TOX3: variants seen among roughly 807,000 people sequenced by gnomAD.
The protein encoded by TOX3 is CAG trinucleotide repeat-containing gene F9 protein.
TOX3 carries 22 observed loss-of-function variants against 64.3 expected under a neutral mutation model. The ratio of observed to expected loss-of-function variants is 0.34; its 90% CI spans 0.24 to 0.49. The LOEUF is 0.49. TOX3 is among the 20% of genes least tolerant of loss of function. The pLI, the probability that TOX3 is intolerant of heterozygous loss-of-function variation, is 0.99. For synonymous variants in TOX3, 291 were observed against 273.6 expected, an observed-to-expected ratio of 1.06 and a Z score of -0.63; for missense variants, 661 against 714.4, an observed-to-expected ratio of 0.93 and a Z score of 0.85.
intron 1 of TOX3, among the ~76,000 whole-genome samples, chr16:52,529,385 C>T (rs937518349): frequency 6.6e-6 from 1 of 151,810 alleles, no homozygotes; most frequent in African/African-American, 2.4e-5. Flanking sequence ...GGAAATTTCC[C>T]TTTTAGAACG....
intron 1 of TOX3, among the ~76,000 whole-genome samples, chr16:52,541,433 C>T (rs2151491241): frequency 6.6e-6 from 1 of 152,162 alleles, no homozygotes; most frequent in East Asian, 1.9e-4. Flanking sequence ...GTGAAACAGG[C>T]CGTGATGAAC....
intron 3 of TOX3, among the ~76,000 whole-genome samples, chr16:52,457,592 A>G (rs1960557788): frequency 6.6e-6 from 1 of 152,218 alleles, no homozygotes; most frequent in Non-Finnish European, 1.5e-5. Context: ...ATTACTTTGT[A>G]TTCATAAATA....
chr16:52,517,558 A>G (rs2151476560), intron 1 of TOX3, among the ~76,000 whole-genome samples: 1 of 152,286 alleles, frequency 6.6e-6, no homozygotes. Context: ...ATAATTAAAT[A>G]ATTTATGAAG....
intron 1 of TOX3, among the ~76,000 whole-genome samples, chr16:52,504,682 T>A (rs1203335258): frequency 6.6e-6 from 1 of 151,904 alleles, no homozygotes; most frequent in African/African-American, 2.4e-5. Context: ...TAGGGGCTTA[T>A]GGGATGGACA....
chr16:52,523,746 A>G (rs1962664239), intron 1 of TOX3, among the ~76,000 whole-genome samples: 1 of 152,034 alleles, frequency 6.6e-6, no homozygotes, highest in African/African-American at 2.4e-5. Flanking sequence ...TTTTCAGTTC[A>G]TGAAATTTTC....
chr16:52,448,178 A>C (rs1960220987), intron 4 of TOX3, among the ~76,000 whole-genome samples: 1 of 152,228 alleles, frequency 6.6e-6, no homozygotes, highest in Non-Finnish European at 1.5e-5. Flanking sequence ...TGAGACAGAA[A>C]GCTGGAGAAA....
chr16:52,528,547 A>G (rs1049967580), intron 1 of TOX3, among the ~76,000 whole-genome samples: 10 of 152,016 alleles, frequency 6.6e-5, no homozygotes, highest in Non-Finnish European at 7.4e-5. Context: ...AACCGGGCAG[A>G]CTGCCTGGTT....
chr16:52,474,142 A>T (rs190252447), intron 1 of TOX3, among the ~76,000 whole-genome samples: 1 of 152,196 alleles, frequency 6.6e-6, no homozygotes, highest in Admixed American at 6.5e-5. Context: ...TTGATGGGGA[A>T]ATGACTCACT....
chr16:52,500,385 G>A (rs1961970141), intron 1 of TOX3, among the ~76,000 whole-genome samples: 1 of 152,132 alleles, frequency 6.6e-6, no homozygotes, highest in Admixed American at 6.5e-5. Context: ...GTTAATTGAG[G>A]ACTATGGGTA....
chr16:52,539,398 A>G (rs889560879), intron 1 of TOX3, among the ~76,000 whole-genome samples: 2 of 152,192 alleles, frequency 1.3e-5, no homozygotes, highest in African/African-American at 4.8e-5. Context: ...CTATTAAGAG[A>G]GAAAGGATGT....
intron 1 of TOX3, among the ~76,000 whole-genome samples, chr16:52,488,987 T>C (rs1253830288): frequency 2.0e-5 from 3 of 152,178 alleles, no homozygotes; most frequent in Non-Finnish European, 4.4e-5. Context: ...TGTCAACTAA[T>C]GGACTTTGTC....
chr16:52,538,216 G>A (rs982562498), intron 1 of TOX3, among the ~76,000 whole-genome samples: 2 of 152,170 alleles, frequency 1.3e-5, no homozygotes, highest in African/African-American at 4.8e-5. Flanking sequence ...TTTATTAACT[G>A]TTTGATATTT....
intron 1 of TOX3, among the ~76,000 whole-genome samples, chr16:52,479,776 T>C (rs1961316429): frequency 6.6e-6 from 1 of 152,162 alleles, no homozygotes; most frequent in South Asian, 2.1e-4. Flanking sequence ...TTAGAAAGGG[T>C]TGTGACCTGT....
intron 1 of TOX3, among the ~76,000 whole-genome samples, chr16:52,489,065 T>A (rs150782823): frequency 2.0e-5 from 3 of 152,158 alleles, no homozygotes; most frequent in Non-Finnish European, 4.4e-5. Context: ...AACCAGAACT[T>A]CAAATCATCC....
intron 1 of TOX3, among the ~76,000 whole-genome samples, chr16:52,525,966 T>C (rs1210652813): frequency 6.6e-6 from 1 of 152,210 alleles, no homozygotes; most frequent in Non-Finnish European, 1.5e-5. Context: ...CTTCCAGAAT[T>C]GGCTGTTCAG....
rs1464430406 is a variant in TOX3, at chr16:52,486,619, A to G, written c.88-18045T>C. ...GAGAGTAAGAGGGCCTGCTATGGCCAAGGAAGAATTATAGATATAAAGAAA... is the reference window on the plus strand; with the variant it reads ...GAGAGTAAGAGGGCCTGCTATGGCCGAGGAAGAATTATAGATATAAAGAAA... On this transcript the variant is annotated intron_variant, in intron 1 of 6. Transcript: ENST00000219746. Among the ~76,000 whole-genome samples, 4 of 152,286 alleles carry G rather than the reference A, an allele frequency of 2.6e-5. No individual in the cohort carries two copies. The East Asian group carries it at 7.7e-4, about 29-fold the overall frequency.
intron 3 of TOX3, among the ~76,000 whole-genome samples, chr16:52,453,481 GC>G (rs1282998667): frequency 6.6e-6 from 1 of 152,086 alleles, no homozygotes; most frequent in Admixed American, 6.5e-5. Context: ...ACCGTGCCCG[GC>G]CCAGAATGCT....
At chr16:52,485,474 G>A (rs1264023016) in intron 1 of TOX3, among the ~76,000 whole-genome samples, 2 of 151,690 alleles carry the variant, frequency 1.3e-5, no homozygotes. Flanking sequence ...GCAGACACTG[G>A]GGACTCCAAA....
At position 52,510,570 on chromosome 16, in the gene TOX3, A is replaced by G. The variant is rs375872777; in HGVS notation, c.87+36067T>C. Among the ~76,000 whole-genome samples the G allele has an allele frequency of 5.9e-5, 9 of 152,128 alleles. No individual in the cohort carries two copies. In the East Asian group the frequency reaches 1.6e-3, roughly 26 times the overall value. ...CAGAAGTTTGAGACCAGCCTGGCCA[A>G]CATGGTGAAATCCCATCTCTACTAA... is the stretch of plus-strand genomic sequence containing the variant. On this transcript the variant is annotated intron_variant, in intron 1 of 6. Coordinates refer to ENST00000219746, the MANE Select transcript of TOX3 (RefSeq NM_001080430.4).
Sources: gnomAD v4.1 joint callset for allele counts (sites outside exome capture counted in the v4.1 genomes callset) on GRCh38, gnomAD v4.1.1 for gene constraint, MANE v1.5 for transcripts, NCBI Gene and HGNC (gene_info 2026-07-23, HGNC 2026-07-21) for gene names.